Variants in SCRN1 observed in about 807,000 individuals in gnomAD.
SCRN1 encodes the protein secernin 1, also known as secernin-1.
In SCRN1, 19 loss-of-function variants were observed where a neutral mutation model predicts 43.3. The ratio of observed to expected loss-of-function variants is 0.44; its 90% CI spans 0.31 to 0.64. SCRN1 has a LOEUF of 0.64. Among genes scored for constraint, SCRN1 ranks in the 30% least tolerant of loss-of-function variants. The pLI is 0.09. For missense variants in SCRN1, 447 were observed against 524.1 expected, an observed-to-expected ratio of 0.85 and a Z score of 1.44; for synonymous variants, 183 against 188.9, an observed-to-expected ratio of 0.97 and a Z score of 0.26.
At chr7:29,966,653 C>T (rs909839165) in intron 2 of SCRN1, among the ~76,000 whole-genome samples, 3 of 152,190 alleles carry the variant, frequency 2.0e-5, no homozygotes, top group Non-Finnish European at 2.9e-5. Context: ...GGGAACCTAG[C>T]ACTCTTCTTC....
At chr7:29,982,846 A>ATT (rs562265162) in intron 1 of SCRN1, among the ~76,000 whole-genome samples, 16 of 146,080 alleles carry the variant, frequency 1.1e-4, no homozygotes, top group East Asian at 4.0e-4. Context: ...GTGTCTCTTC[A>ATT]TTTTTTTTTT....
chr7:29,960,919 T>A (rs1788285091), intron 2 of SCRN1, among the ~76,000 whole-genome samples: 1 of 152,088 alleles, frequency 6.6e-6, no homozygotes, highest in Admixed American at 6.6e-5. Context: ...CCAAAAGAGA[T>A]GTTGTTAAAA....
At chr7:29,990,203 G>C, upstream of SCRN1, 2 of 1,551,666 alleles carry the variant, frequency 1.3e-6, no homozygotes, top group East Asian at 4.9e-5. Flanking sequence ...GCACGTCCAA[G>C]TCGAGTCCCT....
rs139663493 is a variant in SCRN1, at chr7:29,980,904, T to C, written c.-2+8738A>G. On this transcript the variant is annotated intron_variant, in intron 1 of 7. Transcript: ENST00000242059. ...AAGTATAGGTAGGTAGATAGAAAGA[T>C]AGGCACATAGATGGATGGATAGATA... 2.5e-3 allele frequency among the ~76,000 whole-genome samples: 375 copies of C among 152,246 alleles called. 1 individual carries two copies. Among genetic ancestry groups the C allele is most frequent in the African/African-American group, 8.6e-3 (359 of 41,546 alleles).
intron 1 of SCRN1, among the ~76,000 whole-genome samples, chr7:29,970,595 C>G (rs1212882457): frequency 6.6e-6 from 1 of 152,226 alleles, no homozygotes; most frequent in Non-Finnish European, 1.5e-5. Flanking sequence ...AATATGAAAG[C>G]AAGGACCTTT....
chr7:29,988,889 GACC>G (rs1361175876), intron 1 of SCRN1: 2 of 152,278 alleles, frequency 1.3e-5, no homozygotes, highest in African/African-American at 2.4e-5. Context: ...CTGCTTTGCA[GACC>G]ACATTTCTCT....
rs1183202361 is a variant in SCRN1, at chr7:29,974,685, C to CT, written c.-1-5618dup. 3.3e-3 allele frequency among the ~76,000 whole-genome samples: 443 copies of CT among 134,158 alleles called. 1 individual carries two copies. The highest frequency in any genetic ancestry group is 5.0e-3 in the South Asian group (21 of 4,186). The allele number at this position is 134,158 out of a possible 152,430, so 88.0% of individuals were successfully genotyped here. A position where few individuals can be genotyped will look rare whatever the true frequency, so the allele number is the denominator to read the frequency against. ...TGTTTACACGATTCTTTCTTTCTTT[C>CT]TTTTTTTTTTTTTTTTGAGATGGAG... On this transcript the variant is annotated intron_variant, in intron 1 of 7. Transcript: ENST00000242059.
At chr7:29,949,930 C>T (rs918635417) in intron 3 of SCRN1, among the ~76,000 whole-genome samples, 19 of 152,248 alleles carry the variant, frequency 1.2e-4, no homozygotes, top group East Asian at 5.8e-4. Context: ...CATGACTCGC[C>T]TCCTAAAGTG....
intron 1 of SCRN1, among the ~76,000 whole-genome samples, chr7:29,971,688 T>C (rs1392246502): frequency 1.3e-5 from 2 of 150,960 alleles, no homozygotes; most frequent in East Asian, 3.9e-4. Context: ...TAGAGCAATA[T>C]CTAAAATTTT....
Position 29,989,740 on chromosome 7 carries a change from C to G in SCRN1, c.-100G>C, listed in dbSNP as rs1254074811. The G allele has an allele frequency of 1.0e-6, 1 of 986,278 alleles. No homozygotes were observed. Among genetic ancestry groups the G allele is most frequent in the Non-Finnish European group, 1.2e-6 (1 of 830,704 alleles). 61.1% of individuals were successfully genotyped at this position (986,278 alleles called of 1,614,324 possible). The stretch of plus-strand genomic sequence containing the variant: ...TGCCGGGTCCGGATTACTGCGGCGA[C>G]CTCGGGGGCTGCAGCTGCAGTGGCG... On this transcript the variant is annotated 5_prime_UTR_variant, in exon 1 of 8. Transcript: ENST00000242059.
chr7:29,933,124 C>A (rs1341002055), intron 6 of SCRN1, among the ~76,000 whole-genome samples: 2 of 152,130 alleles, frequency 1.3e-5, no homozygotes, highest in East Asian at 3.9e-4. Flanking sequence ...AAGCAATCCA[C>A]CCACCTTGAC....
At position 29,969,087 on chromosome 7, in the gene SCRN1, C is replaced by A; in HGVS notation, c.-1-19G>T. 1.9e-6 allele frequency: 3 copies of A among 1,607,102 alleles called. No individual in the cohort carries two copies. Among genetic ancestry groups the A allele is most frequent in the Non-Finnish European group, 2.6e-6 (3 of 1,176,400 alleles). On this transcript the variant is annotated intron_variant, in intron 1 of 7. Transcript: ENST00000242059. ...AGCCATCCTGAAAAGAGAATGCCAGCAAGAGTGGAAGCAGGCCTCACATGG... is the reference window on the plus strand; with the variant it reads ...AGCCATCCTGAAAAGAGAATGCCAGAAAGAGTGGAAGCAGGCCTCACATGG...
intron 6 of SCRN1, 113 bp downstream of exon 6, chr7:29,936,443 G>A (rs979661509): frequency 3.4e-5 from 32 of 929,980 alleles, no homozygotes; most frequent in Non-Finnish European, 4.8e-5. Context: ...ACTGAAAAAC[G>A]TGACTTTGCT....
At chr7:29,990,255 C>G (rs1487381585), upstream of SCRN1, 1 of 1,551,622 alleles carries the variant, frequency 6.4e-7, no homozygotes, top group South Asian at 1.2e-5. Flanking sequence ...GTAAGCCAGA[C>G]CCTGTCCCAG....
intron 2 of SCRN1, among the ~76,000 whole-genome samples, chr7:29,968,313 T>C (rs922108618): frequency 6.6e-6 from 1 of 152,122 alleles, no homozygotes; most frequent in Non-Finnish European, 1.5e-5. Flanking sequence ...AATTATGACC[T>C]GCATGTACCG....
intron 2 of SCRN1, among the ~76,000 whole-genome samples, chr7:29,961,976 G>A (rs936192364): frequency 3.3e-5 from 5 of 152,014 alleles, no homozygotes; most frequent in African/African-American, 7.2e-5. Flanking sequence ...CGCCTGGAAA[G>A]GGGGATCAGT....
At position 29,926,493 on chromosome 7, in the gene SCRN1, T is replaced by C; in HGVS notation, c.1045A>G (p.Lys349Glu). Residue 349 changes from lysine to glutamate, a missense_variant, in exon 7 of 8, where the codon AAA becomes GAA. Transcript: ENST00000242059. ...EKPDRRHELYKAHEWARAIIE... is the reference protein window; with the variant it reads ...EKPDRRHELYEAHEWARAIIE... ...ATGGCACGTGCCCACTCGTGGGCTT[T>C]GTACAGCTCATGCCGGCGGTCTGGT... 3 of 1,614,078 alleles carry C rather than the reference T, an allele frequency of 1.9e-6. No individual in the cohort carries two copies. The highest frequency in any genetic ancestry group is 1.7e-6 in the Non-Finnish European group (2 of 1,180,040).
chr7:29,947,189 G>C, intron 3 of SCRN1: 1 of 1,550,152 alleles, frequency 6.5e-7, no homozygotes, highest in South Asian at 1.2e-5. Context: ...TGTCCAGCTT[G>C]CTCTGGGCCT....
At chr7:29,947,086 C>T (rs1330620542) in intron 3 of SCRN1, 3 of 1,328,268 alleles carry the variant, frequency 2.3e-6, no homozygotes, top group African/African-American at 2.9e-5. Context: ...AGGACCAGGA[C>T]AGGGAAGGGG....
Sources: gnomAD v4.1 joint callset for allele counts (sites outside exome capture counted in the v4.1 genomes callset) on GRCh38, gnomAD v4.1.1 for gene constraint, MANE v1.5 for transcripts, NCBI Gene and HGNC (gene_info 2026-07-23, HGNC 2026-07-21) for gene names.